The following ZMYM4 variants were observed in gnomAD, a reference collection of about 807,000 sequenced individuals.
The protein encoded by ZMYM4 is zinc finger MYM-type containing 4, also known as zinc finger MYM-type protein 4.
Under a neutral mutation model 183.2 loss-of-function variants are expected in ZMYM4, and 31 were observed. The ratio of observed to expected loss-of-function variants is 0.17; its 90% CI spans 0.13 to 0.23. The LOEUF is 0.23. Among genes scored for constraint, ZMYM4 ranks in the 10% least tolerant of loss-of-function variants. The probability of loss-of-function intolerance (pLI) is 1.00; values close to 1 mark genes in which losing one functional copy is unlikely to be tolerated. For synonymous variants in ZMYM4, 592 were observed against 631.2 expected (o/e 0.94, Z 0.93); for missense variants, 1,273 against 1,840.3 (o/e 0.69, Z 5.64).
At chr1:35,283,326 CTTTTTTTTTTTTTTTTT>C (rs201360397) in intron 1 of ZMYM4, among the ~76,000 whole-genome samples, 6,528 of 56,948 alleles carry the variant, frequency 0.11, 832 homozygotes, top group East Asian at 0.53. Context: ...GAAGTGGTAT[CTTTTTTTTTTTTTTTTT>C]TTTTTTTTTT....
chr1:35,336,936 A>G (rs995368861), intron 2 of ZMYM4, among the ~76,000 whole-genome samples: 1 of 152,166 alleles, frequency 6.6e-6, no homozygotes, highest in Non-Finnish European at 1.5e-5. Flanking sequence ...TCATGGTTTT[A>G]TAAATGGTAG....
At chr1:35,415,987 A>G (rs1205145863) in intron 28 of ZMYM4, among the ~76,000 whole-genome samples, 1 of 152,218 alleles carries the variant, frequency 6.6e-6, no homozygotes, top group Non-Finnish European at 1.5e-5. Context: ...CTTCTCAGGA[A>G]ATTAAAAAAT....
At chr1:35,313,176 G>T (rs1215716812) in intron 1 of ZMYM4, among the ~76,000 whole-genome samples, 1 of 152,006 alleles carries the variant, frequency 6.6e-6, no homozygotes, top group Non-Finnish European at 1.5e-5. Context: ...TTACAGGCAT[G>T]AGCCACCGTG....
chr1:35,418,345 A>T, intron 28 of ZMYM4, 98 bp from the exon 29 acceptor site: 1 of 1,344,356 alleles, frequency 7.4e-7, no homozygotes, highest in Non-Finnish European at 1.0e-6. Flanking sequence ...GGAGGAAATG[A>T]CAAAGTTCTG....
At chr1:35,379,569 C>T (rs910326713) in intron 7 of ZMYM4, among the ~76,000 whole-genome samples, 3 of 152,252 alleles carry the variant, frequency 2.0e-5, no homozygotes, top group African/African-American at 7.2e-5. Context: ...CCTGTCTTCA[C>T]TGGAGTAGCC....
At chr1:35,402,842 C>A (rs188123361) in intron 23 of ZMYM4, among the ~76,000 whole-genome samples, 1 of 132,474 alleles carries the variant, frequency 7.5e-6, no homozygotes, top group African/African-American at 3.4e-5. Flanking sequence ...ACTTTGTAAT[C>A]TGAATGCATT....
At chr1:35,357,488 C>A (rs1643862790) in intron 2 of ZMYM4, among the ~76,000 whole-genome samples, 2 of 152,096 alleles carry the variant, frequency 1.3e-5, no homozygotes, top group African/African-American at 4.8e-5. Context: ...TCCTGAGTAT[C>A]CATGTGGACT....
chr1:35,343,835 G>T (rs1454759544), intron 2 of ZMYM4, among the ~76,000 whole-genome samples: 1 of 150,992 alleles, frequency 6.6e-6, no homozygotes, highest in East Asian at 2.0e-4. Flanking sequence ...CTGCACTCCA[G>T]CCTGGGCGAC....
chr1:35,324,383 C>T (rs1041319415), intron 1 of ZMYM4, among the ~76,000 whole-genome samples: 1 of 152,170 alleles, frequency 6.6e-6, no homozygotes, highest in African/African-American at 2.4e-5. Context: ...AGGTGTGAGC[C>T]ACTGGGCCCA....
rs879004452 is a variant in ZMYM4 at position 35,389,779 on chromosome 1, A to ATGTG, written c.2437-168_2437-167insGTGT. Among the ~76,000 whole-genome samples the ATGTG allele has an allele frequency of 1.9e-4, 22 of 114,290 alleles. No homozygotes were observed. The highest frequency in any genetic ancestry group is 1.2e-3 in the African/African-American group (20 of 16,646). The allele number at this position is 114,290 out of a possible 152,430, so 75.0% of individuals were successfully genotyped here. A position where few individuals can be genotyped will look rare whatever the true frequency, so the allele number is the denominator to read the frequency against. On this transcript the variant is annotated intron_variant, in intron 14 of 29. Coordinates refer to ENST00000314607, the MANE Select transcript of ZMYM4 (RefSeq NM_005095.3). The surrounding 1 kb of genome is among the most constrained non-coding windows in gnomAD (Gnocchi z 4.0). Reference sequence around the variant, plus strand: ...CAAAAAAAAAAAAAAATATATATATATATGTGTGTGTGTGTGTGTGTGTGT... The same window carrying ATGTG: ...CAAAAAAAAAAAAAAATATATATATATGTGTATGTGTGTGTGTGTGTGTGTGTGT...
At chr1:35,341,823 T>C (rs1397860440) in intron 2 of ZMYM4, among the ~76,000 whole-genome samples, 2 of 152,134 alleles carry the variant, frequency 1.3e-5, no homozygotes, top group East Asian at 1.9e-4. Context: ...GGGCTGATTG[T>C]AGTTGGTTTC....
At chr1:35,382,320 ATTC>A (rs1236895482) in intron 9 of ZMYM4, among the ~76,000 whole-genome samples, 1 of 151,170 alleles carries the variant, frequency 6.6e-6, no homozygotes, top group East Asian at 1.9e-4. Flanking sequence ...TTTAACTGGT[ATTC>A]TTTATACATA....
intron 1 of ZMYM4, among the ~76,000 whole-genome samples, chr1:35,284,666 A>G (rs554326542): frequency 5.3e-5 from 8 of 152,104 alleles, no homozygotes; most frequent in Admixed American, 2.0e-4. Flanking sequence ...TATTTCTTAC[A>G]TTTCAGGAGG....
chr1:35,385,686 C>A, intron 10 of ZMYM4, 94 bp downstream of exon 10: 1 of 1,354,248 alleles, frequency 7.4e-7, no homozygotes, highest in Non-Finnish European at 9.8e-7. Flanking sequence ...ATTTTTAAGG[C>A]ACATTTAACA....
intron 2 of ZMYM4, among the ~76,000 whole-genome samples, chr1:35,344,512 C>G (rs1415090085): frequency 6.6e-6 from 1 of 151,652 alleles, no homozygotes; most frequent in South Asian, 2.1e-4. Flanking sequence ...GATCAAAGAC[C>G]TTCTTTTCTC....
rs188315592 is a variant in ZMYM4, at chr1:35,388,833, G to A, written c.2264-77G>A. ...TTACAGGTGTGAGCCACTGCACCGG[G>A]CCTGTCCTAGGCCATTTAAAGTTGC... is the stretch of plus-strand genomic sequence containing the variant. On this transcript the variant is annotated intron_variant, in intron 13 of 29. Coordinates refer to ENST00000314607, the MANE Select transcript of ZMYM4 (RefSeq NM_005095.3). The A allele has an allele frequency of 1.6e-5, 22 of 1,380,700 alleles. No homozygotes were observed. The Admixed American group carries it at 2.5e-4, about 15-fold the overall frequency. The allele number at this position is 1,380,700 out of a possible 1,614,324, so 85.5% of individuals were successfully genotyped here.
At chr1:35,354,305 A>T (rs575533747) in intron 2 of ZMYM4, among the ~76,000 whole-genome samples, 2 of 152,344 alleles carry the variant, frequency 1.3e-5, no homozygotes, top group African/African-American at 4.8e-5. Context: ...ATTCCATTAG[A>T]GGTATGTACT....
intron 5 of ZMYM4, among the ~76,000 whole-genome samples, chr1:35,367,610 C>G (rs1018534982): frequency 2.0e-5 from 3 of 152,064 alleles, no homozygotes; most frequent in African/African-American, 7.3e-5. Flanking sequence ...GAAGAGATAG[C>G]CCAAAAACAG....
rs1165014948 is a variant in ZMYM4, at chr1:35,335,748, T to C, written c.85+10343T>C. Among the ~76,000 whole-genome samples the C allele has an allele frequency of 2.0e-5, 3 of 152,126 alleles. No homozygotes were observed. In the East Asian group the frequency reaches 5.8e-4, roughly 30 times the overall value. ...GTGGGTGGATCACGAGGTCAGGAGC[T>C]CGAGACCATCCTAGCTAACACGGTG... On this transcript the variant is annotated intron_variant, in intron 2 of 29. Coordinates refer to ENST00000314607, the MANE Select transcript of ZMYM4 (RefSeq NM_005095.3).
Sources: allele counts gnomAD v4.1 joint callset (sites outside exome capture counted in the v4.1 genomes callset), GRCh38; gene constraint gnomAD v4.1.1; non-coding constraint Gnocchi (gnomAD v3.1); transcripts MANE v1.5; gene names NCBI Gene and HGNC (gene_info 2026-07-23, HGNC 2026-07-21).